The following GNG12 variants were observed in gnomAD, a reference collection of about 807,000 sequenced individuals.
GNG12 encodes guanine nucleotide-binding protein G(I)/G(S)/G(O) subunit gamma-12.
For missense variants in GNG12, 69 were observed against 83.8 expected, an observed-to-expected ratio of 0.82 and a Z score of 0.69; for synonymous variants, 28 against 29.7, an observed-to-expected ratio of 0.94 and a Z score of 0.19.
At chr1:67,723,671 A>G (rs984937009) in intron 2 of GNG12, among the ~76,000 whole-genome samples, 6 of 152,186 alleles carry the variant, frequency 3.9e-5, no homozygotes, top group Non-Finnish European at 7.3e-5. Flanking sequence ...TGTTCTTCCT[A>G]GTTTAGAATT....
chr1:67,823,908 G>A (rs74391270), intron 1 of GNG12, among the ~76,000 whole-genome samples: 2 of 152,200 alleles, frequency 1.3e-5, no homozygotes, highest in Non-Finnish European at 2.9e-5. Context: ...CAGCAGTAGA[G>A]ATTGGTCAAA....
chr1:67,715,920 T>C (rs951750690), intron 2 of GNG12, among the ~76,000 whole-genome samples: 3 of 152,180 alleles, frequency 2.0e-5, no homozygotes, highest in African/African-American at 7.2e-5. Flanking sequence ...ACTCTAAAAC[T>C]TGAAGGGAGG....
intron 2 of GNG12, among the ~76,000 whole-genome samples, chr1:67,725,410 AG>A (rs1646379887): frequency 6.6e-6 from 1 of 152,216 alleles, no homozygotes; most frequent in Admixed American, 6.5e-5. Context: ...ACTTTGAAAA[AG>A]GTCAAAGTCT....
chr1:67,730,297 C>T (rs1386021523), intron 2 of GNG12, among the ~76,000 whole-genome samples: 1 of 152,100 alleles, frequency 6.6e-6, no homozygotes, highest in African/African-American at 2.4e-5. Flanking sequence ...GCCAGGAGTC[C>T]GAGACCAGCC....
chr1:67,808,212 C>G (rs1054526653), intron 1 of GNG12, among the ~76,000 whole-genome samples: 1 of 151,910 alleles, frequency 6.6e-6, no homozygotes, highest in East Asian at 1.9e-4. Context: ...GTCACATGAT[C>G]GTATCAACAG....
At chr1:67,809,072 T>C (rs1178763918) in intron 1 of GNG12, among the ~76,000 whole-genome samples, 1 of 152,180 alleles carries the variant, frequency 6.6e-6, no homozygotes, top group Non-Finnish European at 1.5e-5. Context: ...AGTGTGGTAT[T>C]AGTAAAGAAA....
At chr1:67,745,652 C>A (rs1485510118) in intron 2 of GNG12, among the ~76,000 whole-genome samples, 1 of 152,142 alleles carries the variant, frequency 6.6e-6, no homozygotes, top group African/African-American at 2.4e-5. Flanking sequence ...CATTAGAGCC[C>A]CTTTGCAAAC....
chr1:67,704,161 C>T lies in GNG12; in HGVS notation c.*1290G>A, dbSNP rs903519120. ...TTGGGCCCAGAGGAAAATCAAGGAA[C>T]CCCATATCCAGCTGCTAAAGCCCTT... is the stretch of plus-strand genomic sequence containing the variant. On this transcript the variant is annotated 3_prime_UTR_variant, in exon 4 of 4. Coordinates refer to ENST00000370982, the MANE Select transcript of GNG12 (RefSeq NM_018841.6). The T allele has an allele frequency of 6.6e-6, 1 of 152,220 alleles. No individual in the cohort carries two copies. The highest frequency in any genetic ancestry group is 2.4e-5 in the African/African-American group (1 of 41,448). 9.4% of individuals were successfully genotyped at this position (152,220 alleles called of 1,614,324 possible).
intron 1 of GNG12, among the ~76,000 whole-genome samples, chr1:67,788,395 C>T (rs180712530): frequency 1.3e-4 from 20 of 152,168 alleles, no homozygotes; most frequent in Admixed American, 1.2e-3. Flanking sequence ...TATAGTGGTG[C>T]GATCAGGTCA....
At chr1:67,742,837 T>G (rs1646489986) in intron 2 of GNG12, among the ~76,000 whole-genome samples, 2 of 151,640 alleles carry the variant, frequency 1.3e-5, no homozygotes, top group Non-Finnish European at 2.9e-5. Flanking sequence ...CTCATGTTTA[T>G]TTGAAAAAGA....
At position 67,742,942 on chromosome 1, in the gene GNG12, T is replaced by G. The variant is rs547146370; in HGVS notation, c.-27+34516A>C. On this transcript the variant is annotated intron_variant, in intron 2 of 3. Coordinates refer to ENST00000370982, the MANE Select transcript of GNG12 (RefSeq NM_018841.6). ...TTAAAATGGATTTAAAGAAAAACAC[T>G]AAACATCTGATACTAGATGGTATGC... 9.2e-5 allele frequency among the ~76,000 whole-genome samples: 14 copies of G among 152,228 alleles called. No individual in the cohort carries two copies. In the South Asian group the frequency reaches 2.9e-3, roughly 32 times the overall value.
At chr1:67,792,625 A>T (rs1247572473) in intron 1 of GNG12, among the ~76,000 whole-genome samples, 1 of 152,210 alleles carries the variant, frequency 6.6e-6, no homozygotes, top group East Asian at 1.9e-4. Flanking sequence ...AAGCTAATAA[A>T]GACATTGTCT....
At chr1:67,825,719 A>G (rs2246783) in intron 1 of GNG12, among the ~76,000 whole-genome samples, 44,050 of 152,066 alleles carry the variant, frequency 0.29, 6,521 homozygotes, top group Admixed American at 0.35. Context: ...CCCCAAGGAA[A>G]AAGGCCTACG....
intron 2 of GNG12, among the ~76,000 whole-genome samples, chr1:67,724,065 G>A (rs1206659634): frequency 6.6e-6 from 1 of 152,196 alleles, no homozygotes; most frequent in Non-Finnish European, 1.5e-5. Context: ...ATTTGGCAGT[G>A]TAGTCAAGAC....
At chr1:67,750,091 C>A (rs1008050962) in intron 2 of GNG12, among the ~76,000 whole-genome samples, 1 of 152,184 alleles carries the variant, frequency 6.6e-6, no homozygotes, top group Non-Finnish European at 1.5e-5. Context: ...TTCCTTTAAA[C>A]AACAAAAACG....
chr1:67,798,905 G>T (rs1646847573), intron 1 of GNG12, among the ~76,000 whole-genome samples: 1 of 152,054 alleles, frequency 6.6e-6, no homozygotes, highest in Non-Finnish European at 1.5e-5. Context: ...AGTGAGCCGA[G>T]ATCATGCCAC....
At chr1:67,829,507 C>T (rs1647031032) in intron 1 of GNG12, among the ~76,000 whole-genome samples, 1 of 152,050 alleles carries the variant, frequency 6.6e-6, no homozygotes, top group South Asian at 2.1e-4. Flanking sequence ...TTTCCTGTTA[C>T]AAAAATAATG....
chr1:67,801,204 G>T (rs567799518), intron 1 of GNG12, among the ~76,000 whole-genome samples: 103 of 152,304 alleles, frequency 6.8e-4, no homozygotes, highest in Non-Finnish European at 1.4e-3. Context: ...CAGAAGATGG[G>T]TCTTATCATC....
At chr1:67,762,195 G>A (rs1646609618) in intron 2 of GNG12, among the ~76,000 whole-genome samples, 1 of 152,158 alleles carries the variant, frequency 6.6e-6, no homozygotes, top group Admixed American at 6.5e-5. Flanking sequence ...ACCCAAGGCT[G>A]TCCACAGTAG....
Sources: gnomAD v4.1 joint callset for allele counts (sites outside exome capture counted in the v4.1 genomes callset) on GRCh38, gnomAD v4.1.1 for gene constraint, MANE v1.5 for transcripts, NCBI Gene and HGNC (gene_info 2026-07-23, HGNC 2026-07-21) for gene names.